The following SLC8A1 variants were observed in gnomAD, a reference collection of about 807,000 sequenced individuals.
SLC8A1 encodes solute carrier family 8 member A1.
In SLC8A1, 18 loss-of-function variants were observed where a neutral mutation model predicts 68.3. The ratio of observed to expected loss-of-function variants is 0.26; its 90% CI spans 0.18 to 0.39. The LOEUF is 0.39. Ranked by LOEUF, SLC8A1 falls within the 10% of genes least tolerant of loss-of-function variation. SLC8A1 has a pLI of 1.00. For synonymous variants in SLC8A1, 475 were observed against 415.5 expected, an observed-to-expected ratio of 1.14 and a Z score of -1.74; for missense variants, 985 against 1,156.7, an observed-to-expected ratio of 0.85 and a Z score of 2.15.
intron 4 of SLC8A1, 49 bp downstream of exon 6, chr2:40,174,657 T>A: frequency 7.0e-7 from 1 of 1,436,610 alleles, no homozygotes; most frequent in Non-Finnish European, 9.6e-7. Flanking sequence ...GGATTGATGG[T>A]TAAGGGTATT....
At chr2:40,139,814 T>A (rs2148287386) in intron 6 of SLC8A1, 138 bp from the exon 10 acceptor site, 1 of 815,438 alleles carries the variant, frequency 1.2e-6, no homozygotes, top group East Asian at 2.5e-5. Flanking sequence ...AGTTTAGGGT[T>A]TTCCAAGAGT....
In SLC8A1 at chr2:40,229,271, C is replaced by G. The variant is rs535707250; in HGVS notation, c.1809-51416G>C. 2.2e-4 allele frequency among the ~76,000 whole-genome samples: 33 copies of G among 152,062 alleles called. No homozygotes were observed. In the South Asian group the frequency reaches 6.4e-3, roughly 30 times the overall value. On this transcript the variant is annotated intron_variant, in intron 2 of 7. Transcript: ENST00000406785. ...ATGACCCTACTAAGTTGCAAGAATA[C>G]TATTTTCACAATTGTAATGATAAAA...
chr2:40,462,881 A>G (rs1703427821), intron 1 of SLC8A1, among the ~76,000 whole-genome samples: 1 of 152,160 alleles, frequency 6.6e-6, no homozygotes, highest in African/African-American at 2.4e-5. Flanking sequence ...ATAAACTTGA[A>G]TTTTGGTAGT....
intron 1 of SLC8A1, among the ~76,000 whole-genome samples, chr2:40,480,500 A>G (rs1309107165): frequency 6.6e-6 from 1 of 152,198 alleles, no homozygotes; most frequent in Non-Finnish European, 1.5e-5. Context: ...GCATTTTGAT[A>G]TTGGATTTCC....
chr2:40,132,662 T>C (rs2039618157), intron 7 of SLC8A1, among the ~76,000 whole-genome samples: 1 of 152,204 alleles, frequency 6.6e-6, no homozygotes, highest in Non-Finnish European at 1.5e-5. Context: ...AATAGCTAAC[T>C]GTTTTTCTCA....
chr2:40,441,817 G>T (rs1000247745), intron 1 of SLC8A1, among the ~76,000 whole-genome samples: 9 of 151,914 alleles, frequency 5.9e-5, no homozygotes, highest in African/African-American at 2.2e-4. Context: ...AAAAACCCTA[G>T]AAGAAAACCT....
intron 4 of SLC8A1, among the ~76,000 whole-genome samples, chr2:40,173,916 C>T (rs1046508167): frequency 6.6e-6 from 1 of 152,138 alleles, no homozygotes; most frequent in South Asian, 2.1e-4. Context: ...TTAGAGACAA[C>T]AGAGGATGCT....
intron 2 of SLC8A1, among the ~76,000 whole-genome samples, chr2:40,228,078 TA>T (rs1440448874): frequency 6.6e-6 from 1 of 152,200 alleles, no homozygotes; most frequent in Admixed American, 6.5e-5. Context: ...TTTATTTAAT[TA>T]AAAAACCATT....
At chr2:40,383,541 ATC>A (rs1431179984) in intron 2 of SLC8A1, among the ~76,000 whole-genome samples, 1 of 152,116 alleles carries the variant, frequency 6.6e-6, no homozygotes. Context: ...TATATAAATT[ATC>A]TCTTTCTAGA....
intron 2 of SLC8A1, among the ~76,000 whole-genome samples, chr2:40,329,060 T>TCACACACA (rs70957170): frequency 1.8e-4 from 26 of 141,144 alleles, no homozygotes; most frequent in Non-Finnish European, 2.8e-4. Flanking sequence ...CACTACAACC[T>TCACACACA]CACACACACA....
intron 2 of SLC8A1, among the ~76,000 whole-genome samples, chr2:40,284,768 T>C (rs1338302370): frequency 6.6e-6 from 1 of 151,934 alleles, no homozygotes; most frequent in Non-Finnish European, 1.5e-5. Context: ...AAGTTTGTCT[T>C]AGAAATGTCA....
intron 2 of SLC8A1, among the ~76,000 whole-genome samples, chr2:40,218,338 A>C (rs2057801918): frequency 6.6e-6 from 1 of 152,222 alleles, no homozygotes; most frequent in Admixed American, 6.5e-5. Flanking sequence ...AGTGGCAATA[A>C]ATTAGGCACA....
rs1442679757 is a variant in SLC8A1 at position 40,432,423 on chromosome 2, GTA to G, written c.-24-2121_-24-2120del. Reference sequence around the variant, plus strand: ...AGATTGTGTGTGTGTGTGTGTGTGTGTATGTGTCAGTGTGTATACACGTGGGA... The same window carrying G: ...AGATTGTGTGTGTGTGTGTGTGTGTGTGTGTCAGTGTGTATACACGTGGGA... On this transcript the variant is annotated intron_variant, in intron 1 of 7. Coordinates refer to ENST00000406785, the Ensembl canonical transcript of SLC8A1. 9.2e-3 allele frequency among the ~76,000 whole-genome samples: 1,314 copies of G among 142,394 alleles called. 20 individuals are homozygous for G. The highest frequency in any genetic ancestry group is 0.012 in the Non-Finnish European group (790 of 66,542). The allele number at this position is 142,394 out of a possible 152,430, so 93.4% of individuals were successfully genotyped here.
At chr2:40,427,710 A>C (rs1459518852) in intron 2 of SLC8A1, among the ~76,000 whole-genome samples, 1 of 152,096 alleles carries the variant, frequency 6.6e-6, no homozygotes, top group Non-Finnish European at 1.5e-5. Flanking sequence ...AGGAAGAATA[A>C]ATTTTTCCTT....
At chr2:40,466,662 G>T (rs971877800) in intron 1 of SLC8A1, among the ~76,000 whole-genome samples, 1 of 152,088 alleles carries the variant, frequency 6.6e-6, no homozygotes, top group Admixed American at 6.6e-5. Flanking sequence ...CAGGAAATAT[G>T]ATTCTTTACC....
At position 40,205,024 on chromosome 2, in the gene SLC8A1, C is replaced by T. The variant is rs566499517; in HGVS notation, c.1809-27169G>A. ...GGAGTACAGTGCTTCACTTTTCATA[C>T]GTGCATATCAGCTGGGCATATAGTC... On this transcript the variant is annotated intron_variant, in intron 2 of 7. Coordinates refer to ENST00000406785, the Ensembl canonical transcript of SLC8A1. Among the ~76,000 whole-genome samples the T allele has an allele frequency of 9.9e-5, 15 of 151,964 alleles. No homozygotes were observed. The South Asian group carries it at 2.7e-3, about 27-fold the overall frequency.
chr2:40,117,392 C>CAAAAAAA (rs70957144), intron 7 of SLC8A1, among the ~76,000 whole-genome samples: 4 of 58,744 alleles, frequency 6.8e-5, no homozygotes, highest in East Asian at 4.2e-4. Flanking sequence ...ACTAAAAATA[C>CAAAAAAA]AAAAAAAAAA....
intron 2 of SLC8A1, among the ~76,000 whole-genome samples, chr2:40,422,864 A>G (rs1360893839): frequency 1.3e-5 from 2 of 152,200 alleles, no homozygotes; most frequent in African/African-American, 2.4e-5. Context: ...TTCAAATCCT[A>G]GATCCATAAT....
chr2:40,284,982 G>A (rs149728187), intron 2 of SLC8A1, among the ~76,000 whole-genome samples: 2 of 152,072 alleles, frequency 1.3e-5, no homozygotes, highest in Non-Finnish European at 2.9e-5. Context: ...GAGAATGTCA[G>A]AGTCAATAAC....
Sources: allele counts gnomAD v4.1 joint callset (sites outside exome capture counted in the v4.1 genomes callset), GRCh38; gene constraint gnomAD v4.1.1; transcripts MANE v1.5; gene names NCBI Gene and HGNC (gene_info 2026-07-23, HGNC 2026-07-21).